The following PRELID2 variants were observed in gnomAD, a reference collection of about 807,000 sequenced individuals.
The protein encoded by PRELID2 is PRELI domain containing 2, also known as PRELI domain-containing protein 2.
Under a neutral mutation model 28.4 loss-of-function variants are expected in PRELID2, and 25 were observed. The observed-to-expected ratio is 0.88, with a 90% CI of 0.64 to 1.23. PRELID2 has a LOEUF of 1.23. PRELID2 is among the 50% of genes most tolerant of loss of function. The probability of loss-of-function intolerance (pLI) is 0.00; values close to 1 mark genes in which losing one functional copy is unlikely to be tolerated. For missense variants in PRELID2, 201 were observed against 214.4 expected (o/e 0.94, Z 0.39); for synonymous variants, 76 against 71.6 (o/e 1.06, Z -0.31).
rs1561568296 is a variant in PRELID2, at chr5:145,741,652, A to AT, written n.70+23278dup. ...TTATTTATAATTTATTTATATATAAATAATTTATTTATATATAAATAATTT... is the reference window on the plus strand; with the variant it reads ...TTATTTATAATTTATTTATATATAAATTAATTTATTTATATATAAATAATTT... On this transcript the variant is annotated intron_variant and non_coding_transcript_variant, in intron 1 of 2. Coordinates refer to the PRELID2 transcript ENST00000510259. 3.3e-4 allele frequency among the ~76,000 whole-genome samples: 7 copies of AT among 21,202 alleles called. 3 individuals carry two copies. Among genetic ancestry groups the AT allele is most frequent in the Non-Finnish European group, 7.6e-4 (7 of 9,164 alleles). 13.9% of individuals were successfully genotyped at this position (21,202 alleles called of 152,430 possible).
At chr5:145,557,813 G>A (rs1752893590) in intron 1 of PRELID2, among the ~76,000 whole-genome samples, 1 of 152,180 alleles carries the variant, frequency 6.6e-6, no homozygotes, top group East Asian at 1.9e-4. Context: ...CAGCACCAAA[G>A]TTTGAACCCA....
intron 1 of PRELID2, among the ~76,000 whole-genome samples, chr5:145,720,091 A>G (rs1755947216): frequency 6.6e-6 from 1 of 151,966 alleles, no homozygotes; most frequent in Non-Finnish European, 1.5e-5. Flanking sequence ...GTCTAAAAGG[A>G]AGTGATTTAA....
chr5:145,429,974 T>G, the PRELID2 span: 1 of 152,324 alleles, frequency 6.6e-6, no homozygotes, highest in East Asian at 1.9e-4. Flanking sequence ...TCCCAGCAGC[T>G]GAACACAGAT....
chr5:145,408,482 A>G, the PRELID2 span, among the ~76,000 whole-genome samples: 2 of 147,394 alleles, frequency 1.4e-5, no homozygotes, highest in South Asian at 2.1e-4. Flanking sequence ...TATGTATTAT[A>G]TATAGGGGAT....
chr5:145,369,523 G>A, the PRELID2 span, among the ~76,000 whole-genome samples: 1 of 151,968 alleles, frequency 6.6e-6, no homozygotes, highest in Non-Finnish European at 1.5e-5. Context: ...GTTTATAATT[G>A]TTGGGCATTT....
At chr5:145,678,003 C>A (rs771246470) in intron 1 of PRELID2, among the ~76,000 whole-genome samples, 1 of 152,162 alleles carries the variant, frequency 6.6e-6, no homozygotes, top group South Asian at 2.1e-4. Context: ...GTCAGTGCAA[C>A]ATGCTAACTA....
the PRELID2 span, among the ~76,000 whole-genome samples, chr5:145,352,882 C>T: frequency 6.6e-6 from 1 of 152,166 alleles, no homozygotes; most frequent in Admixed American, 6.5e-5. Context: ...CACCTTTATT[C>T]CAGTTCCCAA....
At chr5:145,478,902 G>A (rs542066669) in intron 1 of PRELID2, among the ~76,000 whole-genome samples, 2 of 152,250 alleles carry the variant, frequency 1.3e-5, no homozygotes, top group East Asian at 3.9e-4. Flanking sequence ...CCATAACAGA[G>A]CCAAAAACTG....
chr5:145,346,125 A>G, the PRELID2 span, among the ~76,000 whole-genome samples: 3 of 152,102 alleles, frequency 2.0e-5, no homozygotes, highest in African/African-American at 7.2e-5. Context: ...AGCCTTTGAA[A>G]TTCTGTTTAT....
chr5:145,263,917 G>A, the PRELID2 span, among the ~76,000 whole-genome samples: 1 of 151,620 alleles, frequency 6.6e-6, no homozygotes, highest in Non-Finnish European at 1.5e-5. Context: ...TTTTGAGATG[G>A]AGTCTCTCTG....
At chr5:145,418,180 A>G in the PRELID2 span, among the ~76,000 whole-genome samples, 1 of 152,202 alleles carries the variant, frequency 6.6e-6, no homozygotes, top group African/African-American at 2.4e-5. Flanking sequence ...ACAGATAACA[A>G]GGAAAGTGAA....
the PRELID2 span, among the ~76,000 whole-genome samples, chr5:145,353,762 T>A: frequency 6.6e-6 from 1 of 152,168 alleles, no homozygotes; most frequent in East Asian, 1.9e-4. Context: ...GTCCCTCCTG[T>A]GACACATGGG....
At chr5:145,803,915 C>T (rs781457437) in intron 4 of PRELID2, among the ~76,000 whole-genome samples, 2 of 152,066 alleles carry the variant, frequency 1.3e-5, no homozygotes, top group African/African-American at 2.4e-5. Flanking sequence ...ATTCAAAGCT[C>T]TTGGAACAGA....
chr5:145,266,787 C>G, the PRELID2 span, among the ~76,000 whole-genome samples: 1 of 152,082 alleles, frequency 6.6e-6, no homozygotes, highest in African/African-American at 2.4e-5. Context: ...ATGGAACCAG[C>G]CCAAATGCCC....
chr5:145,746,739 A>G (rs1029569169), intron 1 of PRELID2, among the ~76,000 whole-genome samples: 12 of 152,232 alleles, frequency 7.9e-5, no homozygotes, highest in Non-Finnish European at 1.6e-4. Context: ...CATTTTTCTT[A>G]CTGCCACATG....
the PRELID2 span, among the ~76,000 whole-genome samples, chr5:145,435,380 C>T: frequency 6.6e-6 from 1 of 151,962 alleles, no homozygotes; most frequent in South Asian, 2.1e-4. Flanking sequence ...AGTGCAAAGG[C>T]CCACAAGCCA....
chr5:145,605,600 G>C (rs909651573), intron 1 of PRELID2, among the ~76,000 whole-genome samples: 2 of 152,090 alleles, frequency 1.3e-5, no homozygotes, highest in Non-Finnish European at 2.9e-5. Flanking sequence ...TTGAAGTTGG[G>C]TAACATGATG....
intron 1 of PRELID2, among the ~76,000 whole-genome samples, chr5:145,633,855 C>A (rs928979313): frequency 2.0e-5 from 3 of 152,122 alleles, no homozygotes; most frequent in African/African-American, 7.2e-5. Context: ...GGTAATTTTG[C>A]GAAATACTTC....
the PRELID2 span, among the ~76,000 whole-genome samples, chr5:145,411,249 G>A: frequency 6.6e-6 from 1 of 152,258 alleles, no homozygotes; most frequent in African/African-American, 2.4e-5. Context: ...CAAAGAGAGA[G>A]CTTGTGCAGG....
Sources: allele counts gnomAD v4.1 joint callset (sites outside exome capture counted in the v4.1 genomes callset), GRCh38; gene constraint gnomAD v4.1.1; transcripts MANE v1.5; gene names NCBI Gene and HGNC (gene_info 2026-07-23, HGNC 2026-07-21).